NME1: variants seen among roughly 807,000 people sequenced by gnomAD.
The protein encoded by NME1 is nucleoside diphosphate kinase A.
A neutral mutation model predicts 17.2 loss-of-function variants in NME1; 9 were observed. The observed-to-expected ratio is 0.52, with a 90% CI of 0.32 to 0.92. The LOEUF is 0.92. NME1 is among the 40% of genes least tolerant of loss of function. The pLI is 0.04. For synonymous variants in NME1, 72 were observed against 70.8 expected, an observed-to-expected ratio of 1.02 and a Z score of -0.09; for missense variants, 169 against 201.7, an observed-to-expected ratio of 0.84 and a Z score of 0.98.
chr17:51,161,236 G>A lies in NME1; in HGVS notation c.305G>A (p.Gly102Glu), dbSNP rs1468369772. 1.9e-6 allele frequency: 3 copies of A among 1,612,564 alleles called. No individual in the cohort carries two copies. The highest frequency in any genetic ancestry group is 2.5e-6 in the Non-Finnish European group (3 of 1,179,432). Residue 102 changes from glycine to glutamate, a missense_variant, in exon 4 of 5, where the codon GGG becomes GAG. Coordinates refer to ENST00000393196, the MANE Select transcript of NME1 (RefSeq NM_000269.3). The part of the protein sequence containing the change: ...GETNPADSKP[G>E]TIRGDFCIQV... ...ACCAACCCTGCAGACTCCAAGCCTGGGACCATCCGTGGAGACTTCTGCATA... is the reference window on the plus strand; with the variant it reads ...ACCAACCCTGCAGACTCCAAGCCTGAGACCATCCGTGGAGACTTCTGCATA...
At chr17:51,159,701 T>G (rs577326817) in intron 2 of NME1, among the ~76,000 whole-genome samples, 89 of 128,978 alleles carry the variant, frequency 6.9e-4, no homozygotes, top group African/African-American at 2.4e-3. Context: ...AGCCCAGGAG[T>G]TTGATTTTTT....
intron 1 of NME1, chr17:51,154,049 T>G: frequency 2.7e-6 from 1 of 365,408 alleles, no homozygotes. Context: ...TGGAGGGACA[T>G]TTTTAGGGTG....
In NME1 at chr17:51,161,049, G is replaced by T. The variant is rs1490184750; in HGVS notation, c.229-111G>T. On this transcript the variant is annotated intron_variant, in intron 3 of 4. Transcript: ENST00000393196. Reference sequence around the variant, plus strand: ...CTCTATAAACATTTGTTCAGTGAATGAATATAATCTTAAGGGGCCTTTTTA... The same window carrying T: ...CTCTATAAACATTTGTTCAGTGAATTAATATAATCTTAAGGGGCCTTTTTA... 11 of 1,056,902 alleles carry T rather than the reference G, an allele frequency of 1.0e-5. No individual in the cohort carries two copies. The Admixed American group carries it at 2.0e-4, about 19-fold the overall frequency. 65.5% of individuals were successfully genotyped at this position (1,056,902 alleles called of 1,614,324 possible).
chr17:51,158,688 A>G (rs541972016), intron 2 of NME1, among the ~76,000 whole-genome samples: 2 of 152,162 alleles, frequency 1.3e-5, no homozygotes, highest in East Asian at 1.9e-4. Context: ...CAGTCTCCAC[A>G]TCTGTGTGTG....
intron 1 of NME1, chr17:51,154,172 TGGAA>T: frequency 5.6e-6 from 3 of 538,646 alleles, no homozygotes; most frequent in Non-Finnish European, 6.7e-6. Context: ...TTTTTTTTTT[TGGAA>T]GTTGCAGAAT....
rs1386215171 is a variant in NME1, at chr17:51,159,972, T to C, written c.127-8T>C. On this transcript the variant is annotated splice_region_variant and splice_polypyrimidine_tract_variant and intron_variant, in intron 2 of 4. Transcript: ENST00000393196. Reference sequence around the variant, plus strand: ...GGGGTTATTCTCATTCTCTGTCCTGTTGAATAGGCTTCCGAAGATCTTCTC... The same window carrying C: ...GGGGTTATTCTCATTCTCTGTCCTGCTGAATAGGCTTCCGAAGATCTTCTC... 1 of 1,614,072 alleles carries C rather than the reference T, an allele frequency of 6.2e-7. No homozygotes were observed. Among genetic ancestry groups the C allele is most frequent in the African/African-American group, 1.3e-5 (1 of 74,940 alleles).
chr17:51,161,558 G>C, intron 4 of NME1, 170 bp from the exon 5 acceptor site: 1 of 707,254 alleles, frequency 1.4e-6, no homozygotes, highest in Non-Finnish European at 2.5e-6. Flanking sequence ...TGGATGTGGG[G>C]AGGGCATTTT....
chr17:51,160,530 G>C (rs1017917434), intron 3 of NME1: 86 of 346,570 alleles, frequency 2.5e-4, no homozygotes, highest in South Asian at 1.7e-3. Context: ...GCATGGGCAG[G>C]GGCCTTCTCT....
At position 51,161,777 on chromosome 17, in the gene NME1, G is replaced by A. The variant is rs1367335923; in HGVS notation, c.391G>A (p.Gly131Ser). 4.3e-6 allele frequency: 7 copies of A among 1,613,974 alleles called. No homozygotes were observed. Among genetic ancestry groups the A allele is most frequent in the East Asian group, 4.5e-5 (2 of 44,894 alleles). ...TGTGGAGAGTGCAGAGAAGGAGATCGGCTTGTGGTTTCACCCTGAGGAACT... is the reference window on the plus strand; with the variant it reads ...TGTGGAGAGTGCAGAGAAGGAGATCAGCTTGTGGTTTCACCCTGAGGAACT... ...DSVESAEKEI[G>S]LWFHPEELVD... The change falls in exon 5 of 5, where the codon GGC becomes AGC. Residue 131 changes from glycine (G) to serine (S), a missense_variant. Transcript: ENST00000393196.
intron 2 of NME1, among the ~76,000 whole-genome samples, chr17:51,159,421 AC>A (rs369984453): frequency 1.5e-4 from 23 of 152,198 alleles, no homozygotes; most frequent in Admixed American, 1.1e-3. Flanking sequence ...ACATGGCGAA[AC>A]CCTGTTTCTA....
At chr17:51,154,549 C>T in intron 1 of NME1, 1 of 953,908 alleles carries the variant, frequency 1.0e-6, no homozygotes. Flanking sequence ...TTCCTAATGT[C>T]TGTAGTTCTC....
chr17:51,161,368 G>A, intron 4 of NME1, 96 bp downstream of exon 4: 1 of 1,171,732 alleles, frequency 8.5e-7, no homozygotes, highest in Non-Finnish European at 1.2e-6. Context: ...GATACCATAT[G>A]CAGGTTGATT....
chr17:51,160,206 T>C (rs769468384), intron 3 of NME1, 125 bp downstream of exon 3: 8 of 975,466 alleles, frequency 8.2e-6, no homozygotes, highest in Non-Finnish European at 1.3e-5. Flanking sequence ...ATATACCAGC[T>C]AATGGTTAGT....
intron 1 of NME1, chr17:51,154,149 GTCTC>G (rs201791462): frequency 5.9e-5 from 32 of 538,204 alleles, no homozygotes; most frequent in East Asian, 2.9e-4. Flanking sequence ...TTTGGGCTTT[GTCTC>G]TCTCTCTTTT....
chr17:51,159,382 C>T (rs2144865979), intron 2 of NME1, among the ~76,000 whole-genome samples: 1 of 152,310 alleles, frequency 6.6e-6, no homozygotes, highest in Non-Finnish European at 1.5e-5. Flanking sequence ...AGGCAGATCA[C>T]CTGCGGTCAC....
chr17:51,161,973 G>GTA lies in NME1; in HGVS notation c.*129_*130insAT, dbSNP rs926523989. ...AATTTGGAGGGAAGCTCTTGGAGCT[G>GTA]TGAGTTCTCCCTGTACAGTGTTACC... On this transcript the variant is annotated 3_prime_UTR_variant, in exon 5 of 5. Coordinates refer to ENST00000393196, the MANE Select transcript of NME1 (RefSeq NM_000269.3). 4 of 724,714 alleles carry GTA rather than the reference G, an allele frequency of 5.5e-6. No individual in the cohort carries two copies. The highest frequency in any genetic ancestry group is 9.9e-6 in the Non-Finnish European group (4 of 402,292). 44.9% of individuals were successfully genotyped at this position (724,714 alleles called of 1,614,324 possible). A position where few individuals can be genotyped will look rare whatever the true frequency, so the allele number is the denominator to read the frequency against.
intron 2 of NME1, 43 bp downstream of exon 2, chr17:51,155,823 T>C (rs1344907927): frequency 6.2e-7 from 1 of 1,610,290 alleles, no homozygotes; most frequent in South Asian, 1.1e-5. Flanking sequence ...CTTCATAGTA[T>C]AGGAGAACAC....
At chr17:51,153,816 C>CA (rs1373211027) in intron 1 of NME1, 154 bp downstream of exon 1, 1 of 163,462 alleles carries the variant, frequency 6.1e-6, no homozygotes. Context: ...TGGACAAGTG[C>CA]AGACCGGTCG....
intron 4 of NME1, 75 bp from the exon 5 acceptor site, chr17:51,161,653 G>T: frequency 9.4e-7 from 1 of 1,058,432 alleles, no homozygotes; most frequent in Non-Finnish European, 1.5e-6. Context: ...TGCTGCTGTG[G>T]CTGTAGATTT....
Sources: allele counts gnomAD v4.1 joint callset (sites outside exome capture counted in the v4.1 genomes callset), GRCh38; gene constraint gnomAD v4.1.1; transcripts MANE v1.5; gene names NCBI Gene and HGNC (gene_info 2026-07-23, HGNC 2026-07-21).